ATG10: variants seen among roughly 807,000 people sequenced by gnomAD.
ATG10 encodes the protein autophagy related 10.
Under a neutral mutation model 32.1 loss-of-function variants are expected in ATG10, and 30 were observed. The observed-to-expected ratio is 0.94, with a 90% CI of 0.70 to 1.27. The LOEUF (loss-of-function observed/expected upper bound fraction) is 1.27, where lower values mean the gene tolerates loss of function less well. Among genes scored for constraint, ATG10 ranks in the 50% most tolerant of loss-of-function variants. ATG10 has a pLI of 0.00. For synonymous variants in ATG10, 87 were observed against 91.5 expected (o/e 0.95, Z 0.28); for missense variants, 233 against 262.3 (o/e 0.89, Z 0.77).
At chr5:82,099,509 A>G (rs1290819795) in intron 3 of ATG10, among the ~76,000 whole-genome samples, 1 of 152,102 alleles carries the variant, frequency 6.6e-6, no homozygotes, top group African/African-American at 2.4e-5. Flanking sequence ...GACTGAACCT[A>G]CAGGAAATGA....
rs182738747 is a variant in ATG10, at chr5:82,075,637, G to A, written c.216+17035G>A. On this transcript the variant is annotated intron_variant, in intron 3 of 7. Coordinates refer to ENST00000282185, the MANE Select transcript of ATG10 (RefSeq NM_031482.5). ...ATTTTTATTGAAATATTTTTTCAAA[G>A]CAAAAATGTCTGTGTAGGTCAGGTG... Among the ~76,000 whole-genome samples the A allele has an allele frequency of 2.2e-4, 33 of 152,178 alleles. No individual in the cohort carries two copies. The East Asian group carries it at 6.2e-3, about 28-fold the overall frequency.
At chr5:81,991,752 A>C (rs1055814590) in intron 2 of ATG10, among the ~76,000 whole-genome samples, 1 of 151,724 alleles carries the variant, frequency 6.6e-6, no homozygotes, top group African/African-American at 2.4e-5. Flanking sequence ...CCAAGATCAT[A>C]CTATTGCACT....
At chr5:82,076,224 G>A (rs939571166) in intron 3 of ATG10, among the ~76,000 whole-genome samples, 1 of 152,074 alleles carries the variant, frequency 6.6e-6, no homozygotes, top group African/African-American at 2.4e-5. Context: ...AGGAAATAGT[G>A]ACACACTTCT....
At chr5:82,136,122 G>A (rs894440435) in intron 3 of ATG10, among the ~76,000 whole-genome samples, 83 of 151,978 alleles carry the variant, frequency 5.5e-4, no homozygotes, top group Non-Finnish European at 1.1e-3. Context: ...GTGTGTCTTT[G>A]CACGTGAGAT....
At chr5:82,040,621 C>G (rs1311218487) in intron 2 of ATG10, among the ~76,000 whole-genome samples, 1 of 152,074 alleles carries the variant, frequency 6.6e-6, no homozygotes, top group Non-Finnish European at 1.5e-5. Flanking sequence ...TTAAACAATT[C>G]CTAAGAATTA....
At chr5:82,203,411 G>C (rs1240269873) in intron 5 of ATG10, among the ~76,000 whole-genome samples, 1 of 152,112 alleles carries the variant, frequency 6.6e-6, no homozygotes, top group African/African-American at 2.4e-5. Context: ...GAGGTTATTT[G>C]AATTTTGGCT....
chr5:81,995,161 C>T (rs184547298), intron 2 of ATG10, among the ~76,000 whole-genome samples: 1 of 152,206 alleles, frequency 6.6e-6, no homozygotes, highest in East Asian at 1.9e-4. Context: ...GACAGAGTCT[C>T]ACTCTGTCAC....
chr5:82,197,703 T>TTTC (rs1744912969), intron 5 of ATG10, among the ~76,000 whole-genome samples: 1 of 138,224 alleles, frequency 7.2e-6, no homozygotes, highest in East Asian at 2.2e-4. Context: ...GTCCCATTAT[T>TTTC]TTCTTTCTTT....
At chr5:82,202,088 C>G (rs1745091307) in intron 5 of ATG10, among the ~76,000 whole-genome samples, 1 of 152,098 alleles carries the variant, frequency 6.6e-6, no homozygotes, top group Non-Finnish European at 1.5e-5. Context: ...TTCTTCCTTT[C>G]TAACCTTTCT....
rs1278450946 is a variant in ATG10, at chr5:81,978,041, C to T, written c.-13+5735C>T. Among the ~76,000 whole-genome samples the T allele has an allele frequency of 2.0e-5, 3 of 152,142 alleles. No individual in the cohort carries two copies. The East Asian group carries it at 5.8e-4, about 29-fold the overall frequency. On this transcript the variant is annotated intron_variant, in intron 1 of 7. Transcript: ENST00000282185. Reference sequence around the variant, plus strand: ...CTTTGCTCTGTAATCTGTATTCAGACTGGCACTGATTCTGTAGCTTCTGAT... The same window carrying T: ...CTTTGCTCTGTAATCTGTATTCAGATTGGCACTGATTCTGTAGCTTCTGAT...
intron 2 of ATG10, among the ~76,000 whole-genome samples, chr5:82,056,655 G>C (rs1022754512): frequency 6.6e-6 from 1 of 151,074 alleles, no homozygotes; most frequent in African/African-American, 2.4e-5. Flanking sequence ...AGTCTCTGGG[G>C]CCGGCAGTAC....
chr5:82,106,389 T>C (rs1007511359), intron 3 of ATG10, among the ~76,000 whole-genome samples: 1 of 152,064 alleles, frequency 6.6e-6, no homozygotes. Flanking sequence ...TGAAGCCGTA[T>C]TTGAGAGGTT....
At chr5:82,218,052 TACACAC>T (rs60254193) in intron 5 of ATG10, among the ~76,000 whole-genome samples, 229 of 145,292 alleles carry the variant, frequency 1.6e-3, no homozygotes, top group African/African-American at 5.2e-3. Context: ...GTTCTCTCTT[TACACAC>T]ACACACACAC....
At chr5:82,042,721 T>C (rs1431122540) in intron 2 of ATG10, among the ~76,000 whole-genome samples, 1 of 152,204 alleles carries the variant, frequency 6.6e-6, no homozygotes, top group Non-Finnish European at 1.5e-5. Context: ...CATGCAAGTC[T>C]GAAACCCAGC....
chr5:82,095,225 G>A (rs906029477), intron 3 of ATG10, among the ~76,000 whole-genome samples: 2 of 152,160 alleles, frequency 1.3e-5, no homozygotes, highest in Admixed American at 1.3e-4. Flanking sequence ...GTGGTGGGAA[G>A]CTGGATCTGA....
At chr5:82,237,823 G>A (rs1746626805) in intron 5 of ATG10, among the ~76,000 whole-genome samples, 1 of 152,076 alleles carries the variant, frequency 6.6e-6, no homozygotes, top group African/African-American at 2.4e-5. Flanking sequence ...TGGAGTATGG[G>A]GAGGAGAGAG....
chr5:82,252,811 A>G (rs888380690), intron 6 of ATG10, 152 bp downstream of exon 6: 1 of 583,390 alleles, frequency 1.7e-6, no homozygotes. Context: ...TGCTGTTCTA[A>G]GAGTTTTAGA....
chr5:82,109,833 T>C (rs1243546419), intron 3 of ATG10, among the ~76,000 whole-genome samples: 3 of 151,594 alleles, frequency 2.0e-5, no homozygotes, highest in African/African-American at 4.8e-5. Flanking sequence ...TTTTAAGTTC[T>C]AGGGTACATG....
intron 5 of ATG10, among the ~76,000 whole-genome samples, chr5:82,229,412 G>C (rs1746259210): frequency 6.6e-6 from 1 of 152,174 alleles, no homozygotes; most frequent in Non-Finnish European, 1.5e-5. Flanking sequence ...AGTTTGACAG[G>C]CACAATTTTG....
Sources: gnomAD v4.1 joint callset for allele counts (sites outside exome capture counted in the v4.1 genomes callset) on GRCh38, gnomAD v4.1.1 for gene constraint, MANE v1.5 for transcripts, NCBI Gene and HGNC (gene_info 2026-07-23, HGNC 2026-07-21) for gene names.